Variants in FGD6 observed in about 807,000 individuals in gnomAD.
The protein encoded by FGD6 is FYVE, RhoGEF and PH domain containing 6.
A neutral mutation model predicts 149.4 loss-of-function variants in FGD6; 90 were observed. The ratio of observed to expected loss-of-function variants is 0.60; its 90% CI spans 0.51 to 0.72. The LOEUF (loss-of-function observed/expected upper bound fraction) is 0.72, where lower values mean the gene tolerates loss of function less well. Among genes scored for constraint, FGD6 ranks in the 30% least tolerant of loss-of-function variants. The probability of loss-of-function intolerance (pLI) is 0.00; values close to 1 mark genes in which losing one functional copy is unlikely to be tolerated. For synonymous variants in FGD6, 527 were observed against 584.0 expected, an observed-to-expected ratio of 0.90 and a Z score of 1.41; for missense variants, 1,437 against 1,684.8, an observed-to-expected ratio of 0.85 and a Z score of 2.57.
intron 1 of FGD6, among the ~76,000 whole-genome samples, chr12:95,215,964 G>A (rs1274509564): frequency 1.3e-5 from 2 of 152,214 alleles, no homozygotes; most frequent in Non-Finnish European, 2.9e-5. Flanking sequence ...GCACAGAAAT[G>A]TAGGATGAAA....
chr12:95,084,078 G>A (rs903470550), intron 20 of FGD6, among the ~76,000 whole-genome samples: 3 of 152,154 alleles, frequency 2.0e-5, no homozygotes, highest in Admixed American at 6.5e-5. Flanking sequence ...AGAAGTTAGC[G>A]AGCAGCTGTT....
intron 1 of FGD6, among the ~76,000 whole-genome samples, chr12:95,213,455 GA>G (rs2056737757): frequency 6.6e-6 from 1 of 152,126 alleles, no homozygotes; most frequent in African/African-American, 2.4e-5. Flanking sequence ...AAGAGTTCTT[GA>G]GATTGGATGT....
At chr12:95,187,245 G>GCCCAGGA in intron 2 of FGD6, among the ~76,000 whole-genome samples, 1 of 151,438 alleles carries the variant, frequency 6.6e-6, no homozygotes, top group East Asian at 1.9e-4. Context: ...GCAGGAGAAT[G>GCCCAGGA]GCATGAACCC....
chr12:95,116,940 G>A (rs1426758055), intron 8 of FGD6: 1 of 455,722 alleles, frequency 2.2e-6, no homozygotes, highest in Non-Finnish European at 4.4e-6. Flanking sequence ...AGTCAGATGG[G>A]AGGAACAGGA....
At chr12:95,083,198 A>T (rs1444896082) in intron 20 of FGD6, among the ~76,000 whole-genome samples, 2 of 151,340 alleles carry the variant, frequency 1.3e-5, no homozygotes, top group Non-Finnish European at 2.9e-5. Flanking sequence ...AGCATGTTAT[A>T]CTGCCATAGC....
intron 8 of FGD6, among the ~76,000 whole-genome samples, chr12:95,123,797 T>C (rs1592842066): frequency 6.6e-6 from 1 of 152,184 alleles, no homozygotes; most frequent in East Asian, 1.9e-4. Flanking sequence ...CTCCTGACCT[T>C]GTGATCCACC....
At chr12:95,165,167 A>G (rs1592859622) in intron 3 of FGD6, among the ~76,000 whole-genome samples, 2 of 152,176 alleles carry the variant, frequency 1.3e-5, no homozygotes, top group African/African-American at 4.8e-5. Flanking sequence ...TTTCATTGAC[A>G]TCATTCAGCT....
chr12:95,105,792 G>A (rs911329283), intron 13 of FGD6, among the ~76,000 whole-genome samples: 1 of 152,158 alleles, frequency 6.6e-6, no homozygotes, highest in Admixed American at 6.5e-5. Flanking sequence ...GGGATGCGAC[G>A]GTGGGTGGAT....
rs533276293 is a variant in FGD6 at position 95,128,362 on chromosome 12, C to T, written c.3082+6377G>A. On this transcript the variant is annotated intron_variant, in intron 8 of 20. Coordinates refer to ENST00000343958, the MANE Select transcript of FGD6 (RefSeq NM_018351.4). ...AGTGATCATCCTGCCTCAGCTTCCT[C>T]AGTAGCTGGGATGACCGGTGTGTGC... Among the ~76,000 whole-genome samples the T allele has an allele frequency of 3.9e-5, 6 of 152,228 alleles. 1 individual carries two copies. In the South Asian group the frequency reaches 1.2e-3, roughly 32 times the overall value.
intron 6 of FGD6, among the ~76,000 whole-genome samples, chr12:95,138,241 T>TAAAG (rs1879734728): frequency 6.7e-6 from 1 of 148,400 alleles, no homozygotes; most frequent in African/African-American, 2.5e-5. Flanking sequence ...AATAAATAAA[T>TAAAG]AAATAACTCA....
At chr12:95,084,736 A>G (rs1487293599) in intron 19 of FGD6, 90 bp from the exon 20 acceptor site, 5 of 1,037,582 alleles carry the variant, frequency 4.8e-6, no homozygotes, top group African/African-American at 1.6e-5. Context: ...CTCTAATTTA[A>G]TTTCAATTAT....
intron 3 of FGD6, among the ~76,000 whole-genome samples, chr12:95,158,254 G>A (rs745717153): frequency 1.6e-4 from 23 of 142,544 alleles, no homozygotes; most frequent in Non-Finnish European, 2.4e-4. Flanking sequence ...TGCAATCTCC[G>A]CCTCTTGGGT....
chr12:95,213,588 T>C (rs1194220076), intron 1 of FGD6, among the ~76,000 whole-genome samples: 1 of 152,220 alleles, frequency 6.6e-6, no homozygotes, highest in Non-Finnish European at 1.5e-5. Flanking sequence ...CAAATTAATC[T>C]TTTACTTTCC....
chr12:95,114,443 T>TACACACACACAC (rs60238488), intron 8 of FGD6, among the ~76,000 whole-genome samples: 13 of 125,440 alleles, frequency 1.0e-4, no homozygotes, highest in African/African-American at 2.8e-4. Flanking sequence ...CCATCTCTAC[T>TACACACACACAC]ACACACACAC....
chr12:95,177,213 C>T (rs1881159244), intron 2 of FGD6, among the ~76,000 whole-genome samples: 1 of 152,154 alleles, frequency 6.6e-6, no homozygotes, highest in African/African-American at 2.4e-5. Flanking sequence ...GCCAGCATAG[C>T]AACTGCCAGG....
At chr12:95,133,050 A>G (rs1592845887) in intron 8 of FGD6, among the ~76,000 whole-genome samples, 1 of 152,332 alleles carries the variant, frequency 6.6e-6, no homozygotes, top group East Asian at 1.9e-4. Flanking sequence ...ACAGAGGGAC[A>G]GGATATCCTT....
chr12:95,203,001 A>G (rs1238950367), intron 2 of FGD6, among the ~76,000 whole-genome samples: 3 of 152,208 alleles, frequency 2.0e-5, no homozygotes, highest in African/African-American at 7.2e-5. Flanking sequence ...ATAGGCTGTT[A>G]ATGTATACTC....
chr12:95,151,451 G>A (rs561258080), intron 5 of FGD6, among the ~76,000 whole-genome samples: 50 of 151,998 alleles, frequency 3.3e-4, no homozygotes, highest in East Asian at 2.3e-3. Context: ...GTATTTTAGC[G>A]GAGATGGGTT....
chr12:95,147,791 A>G (rs57764039), intron 5 of FGD6, among the ~76,000 whole-genome samples: 1,727 of 152,278 alleles, frequency 0.011, 40 homozygotes, highest in African/African-American at 0.04. Flanking sequence ...TAAAACAGAT[A>G]ATTGATGTAA....
Sources: gnomAD v4.1 joint callset for allele counts (sites outside exome capture counted in the v4.1 genomes callset) on GRCh38, gnomAD v4.1.1 for gene constraint, MANE v1.5 for transcripts, NCBI Gene and HGNC (gene_info 2026-07-23, HGNC 2026-07-21) for gene names.